The following MOK variants were observed in gnomAD, a reference collection of about 807,000 sequenced individuals.
MOK encodes MAPK/MAK/MRK overlapping kinase.
A neutral mutation model predicts 54.2 loss-of-function variants in MOK; 59 were observed. The ratio of observed to expected loss-of-function variants is 1.09; its 90% CI spans 0.88 to 1.35. The LOEUF (loss-of-function observed/expected upper bound fraction) is 1.35. Among genes scored for constraint, MOK ranks in the 40% most tolerant of loss-of-function variants. MOK has a pLI of 0.00. For missense variants in MOK, 517 were observed against 526.2 expected (o/e 0.98, Z 0.17); for synonymous variants, 210 against 202.7 (o/e 1.04, Z -0.31).
At position 102,299,832 on chromosome 14, in the gene MOK, C is replaced by T. The variant is rs75735054; in HGVS notation, c.7+5130G>A. On this transcript the variant is annotated intron_variant, in intron 1 of 11. Coordinates refer to ENST00000361847, the MANE Select transcript of MOK (RefSeq NM_014226.3). ...CTCCTGGATTTAAGCAATCTCTTGC[C>T]TCAGCCTCTCGAAGTGCTGGGTTTA... Among the ~76,000 whole-genome samples, 863 of 152,292 alleles carry T rather than the reference C, an allele frequency of 5.7e-3. 18 individuals carry two copies. The highest frequency in any genetic ancestry group is 0.035 in the East Asian group (179 of 5,162).
At chr14:102,256,680 C>G (rs1452744038) in intron 4 of MOK, among the ~76,000 whole-genome samples, 2 of 149,890 alleles carry the variant, frequency 1.3e-5, no homozygotes, top group Admixed American at 1.3e-4. Flanking sequence ...GGACTACACA[C>G]GTGAGCCACT....
rs903560097 is a variant in MOK at position 102,229,109 on chromosome 14, T to C, written c.*180A>G. 1.6e-6 allele frequency: 1 copy of C among 607,662 alleles called. No homozygotes were observed. Among genetic ancestry groups the C allele is most frequent in the Non-Finnish European group, 2.8e-6 (1 of 355,116 alleles). The allele number at this position is 607,662 out of a possible 1,614,324, so 37.6% of individuals were successfully genotyped here. On this transcript the variant is annotated 3_prime_UTR_variant, in exon 12 of 12. Coordinates refer to ENST00000361847, the MANE Select transcript of MOK (RefSeq NM_014226.3). ...ACAAGTATATTAGCCCAGAACATCC[T>C]AGGCAGCTGCGCGGGCCGCGGGTGC...
chr14:102,218,764 G>A, the MOK span, among the ~76,000 whole-genome samples: 1 of 152,176 alleles, frequency 6.6e-6, no homozygotes, highest in African/African-American at 2.4e-5. Flanking sequence ...TCACGGTGTG[G>A]GGGCTGATGG....
intron 2 of MOK, among the ~76,000 whole-genome samples, chr14:102,272,082 G>C (rs1369247569): frequency 6.6e-6 from 1 of 151,792 alleles, no homozygotes; most frequent in East Asian, 1.9e-4. Flanking sequence ...TCTTGTCCAG[G>C]CTGGCCTCAA....
chr14:102,221,648 T>A (rs1232857782), downstream of MOK, among the ~76,000 whole-genome samples: 1 of 152,118 alleles, frequency 6.6e-6, no homozygotes. The surrounding 1 kb of genome is among the most constrained non-coding windows in gnomAD (Gnocchi z 4.8). Flanking sequence ...TGAACAGATT[T>A]CAGGTGGAAG....
chr14:102,219,553 C>T (rs2063641350), downstream of MOK, among the ~76,000 whole-genome samples: 1 of 152,264 alleles, frequency 6.6e-6, no homozygotes, highest in Non-Finnish European at 1.5e-5. Context: ...CCCTTTGGGC[C>T]TTCGCTTCGC....
chr14:102,276,180 C>T (rs74878624), intron 2 of MOK, among the ~76,000 whole-genome samples: 16 of 152,062 alleles, frequency 1.1e-4, no homozygotes, highest in Non-Finnish European at 1.9e-4. Flanking sequence ...CATTCTTTGC[C>T]GGTGGTAATA....
chr14:102,248,338 C>T (rs949086254), intron 7 of MOK, among the ~76,000 whole-genome samples: 1 of 152,092 alleles, frequency 6.6e-6, no homozygotes, highest in Non-Finnish European at 1.5e-5. Context: ...GATAAGCAAA[C>T]CCCAATTACA....
intron 2 of MOK, among the ~76,000 whole-genome samples, chr14:102,273,950 T>A (rs1202829974): frequency 6.6e-6 from 1 of 151,854 alleles, no homozygotes; most frequent in Admixed American, 6.6e-5. Flanking sequence ...TCTCAATAGT[T>A]TTTTTTTGTT....
At chr14:102,298,575 A>G (rs1373694499) in intron 1 of MOK, among the ~76,000 whole-genome samples, 1 of 152,228 alleles carries the variant, frequency 6.6e-6, no homozygotes, top group Non-Finnish European at 1.5e-5. Flanking sequence ...CGCACCAATC[A>G]GCACCCTGTC....
intron 2 of MOK, among the ~76,000 whole-genome samples, chr14:102,278,359 T>TATATAC (rs2069079976): frequency 2.0e-5 from 3 of 150,660 alleles, no homozygotes; most frequent in Admixed American, 2.0e-4. Context: ...ATGCTTGAGG[T>TATATAC]TTTTCATATT....
At chr14:102,273,420 A>C (rs945330574) in intron 2 of MOK, among the ~76,000 whole-genome samples, 1 of 152,190 alleles carries the variant, frequency 6.6e-6, no homozygotes, top group African/African-American at 2.4e-5. Flanking sequence ...ATGTTATAAA[A>C]CATAAAACAC....
chr14:102,292,777 G>A (rs1435403700), intron 1 of MOK, among the ~76,000 whole-genome samples: 3 of 152,108 alleles, frequency 2.0e-5, no homozygotes, highest in South Asian at 2.1e-4. Flanking sequence ...AAAGCTTGGG[G>A]AATTAAATAT....
chr14:102,278,818 CTAT>C (rs2069129333), intron 2 of MOK: 1 of 404,502 alleles, frequency 2.5e-6, no homozygotes, highest in Non-Finnish European at 5.1e-6. Flanking sequence ...GGTAATCTTA[CTAT>C]TATTATCTCA....
intron 4 of MOK, among the ~76,000 whole-genome samples, chr14:102,254,112 G>C (rs1286615591): frequency 6.6e-6 from 1 of 151,964 alleles, no homozygotes; most frequent in East Asian, 1.9e-4. Flanking sequence ...AGCCTCTCGA[G>C]TAGTTGGAAT....
At chr14:102,288,113 C>T (rs943403789) in intron 1 of MOK, among the ~76,000 whole-genome samples, 5 of 150,748 alleles carry the variant, frequency 3.3e-5, no homozygotes, top group African/African-American at 7.5e-5. Flanking sequence ...GGATTACAGG[C>T]GTGAGCCACC....
intron 7 of MOK, among the ~76,000 whole-genome samples, chr14:102,248,619 A>C (rs996034201): frequency 8.6e-5 from 13 of 152,000 alleles, no homozygotes; most frequent in Admixed American, 1.3e-4. Context: ...TCTACTAAAA[A>C]TACAAAAAAT....
In MOK at chr14:102,294,172, T is replaced by C. The variant is rs184684946; in HGVS notation, c.8-10580A>G. ...AAAAAATTAGCCAGGTGAGGCCGGG[T>C]GCGGTGGCTCATGCCTGTAATCCCA... On this transcript the variant is annotated intron_variant, in intron 1 of 11. Coordinates refer to ENST00000361847, the MANE Select transcript of MOK (RefSeq NM_014226.3). Among the ~76,000 whole-genome samples, 1,021 of 150,818 alleles carry C rather than the reference T, an allele frequency of 6.8e-3. 8 individuals are homozygous for C. The highest frequency in any genetic ancestry group is 0.016 in the African/African-American group (632 of 40,372).
At chr14:102,247,929 T>C (rs1292101725) in intron 7 of MOK, among the ~76,000 whole-genome samples, 1 of 152,246 alleles carries the variant, frequency 6.6e-6, no homozygotes, top group Non-Finnish European at 1.5e-5. Flanking sequence ...TTCTTCTTTT[T>C]CTAGCATTCA....
Sources: allele counts gnomAD v4.1 joint callset (sites outside exome capture counted in the v4.1 genomes callset), GRCh38; gene constraint gnomAD v4.1.1; non-coding constraint Gnocchi (gnomAD v3.1); transcripts MANE v1.5; gene names NCBI Gene and HGNC (gene_info 2026-07-23, HGNC 2026-07-21).